Variants in MTR observed in about 807,000 individuals in gnomAD.
MTR encodes the protein methionine synthase.
A neutral mutation model predicts 154.8 loss-of-function variants in MTR; 84 were observed. The ratio of observed to expected loss-of-function variants is 0.54; its 90% CI spans 0.45 to 0.65. The LOEUF is 0.65. Among genes scored for constraint, MTR ranks in the 30% least tolerant of loss-of-function variants. MTR has a pLI of 0.00. For missense variants in MTR, 1,275 were observed against 1,570.2 expected, an observed-to-expected ratio of 0.81 and a Z score of 3.18; for synonymous variants, 554 against 553.9, an observed-to-expected ratio of 1.00 and a Z score of 0.00.
intron 15 of MTR, among the ~76,000 whole-genome samples, chr1:236,840,939 A>C (rs573804095): frequency 6.6e-6 from 1 of 152,164 alleles, no homozygotes; most frequent in Non-Finnish European, 1.5e-5. Context: ...CGTTGTTAAA[A>C]TTGTCCATCT....
At chr1:236,832,118 T>A in intron 13 of MTR, 40 bp downstream of exon 13, 2 of 1,476,264 alleles carry the variant, frequency 1.4e-6, no homozygotes, top group Non-Finnish European at 1.9e-6. Context: ...TCTGCCCATG[T>A]CTTTGGCTAG....
Position 236,871,331 on chromosome 1 carries a change from A to G in MTR, c.2406-2442A>G, listed in dbSNP as rs1184297244. Among the ~76,000 whole-genome samples, 7 of 42,772 alleles carry G rather than the reference A, an allele frequency of 1.6e-4. No homozygotes were observed. The Admixed American group carries it at 1.9e-3, about 11-fold the overall frequency. The allele number at this position is 42,772 out of a possible 152,430, so 28.1% of individuals were successfully genotyped here. Reference sequence around the variant, plus strand: ...TCCTCCTCTGAACTTATCACCCACAACTCTATCCTTCTCCGTTTCTGTTCC... The same window carrying G: ...TCCTCCTCTGAACTTATCACCCACAGCTCTATCCTTCTCCGTTTCTGTTCC... On this transcript the variant is annotated intron_variant, in intron 22 of 32. Coordinates refer to ENST00000366577, the MANE Select transcript of MTR (RefSeq NM_000254.3).
At chr1:236,804,274 T>C (rs1660851235) in intron 2 of MTR, among the ~76,000 whole-genome samples, 1 of 152,162 alleles carries the variant, frequency 6.6e-6, no homozygotes, top group Non-Finnish European at 1.5e-5. Context: ...AGTGTGATGG[T>C]ATTAGGAGGT....
chr1:236,852,626 C>T lies in MTR; in HGVS notation c.1801C>T (p.His601Tyr). Reference protein sequence around the residue: ...REAMHGVFLYHAIKSGMDMGI... With the variant: ...REAMHGVFLYYAIKSGMDMGI... ...AGCAATGCATGGGGTTTTCCTTTAC[C>T]ATGCAATCAAGGTATGGTAGAAGAA... The change falls in exon 17 of 33, where the codon CAT becomes TAT. Residue 601 changes from histidine (H) to tyrosine (Y), a missense_variant. Transcript: ENST00000366577. The T allele has an allele frequency of 6.2e-7, 1 of 1,613,392 alleles. No homozygotes were observed. Among genetic ancestry groups the T allele is most frequent in the Non-Finnish European group, 8.5e-7 (1 of 1,179,408 alleles).
Position 236,898,701 on chromosome 1 carries a change from C to G in MTR, c.*1057C>G, listed in dbSNP as rs1460122909. ...ATGCTGGGATTACAGGCGTGAGCCA[C>G]CGAGCCTGGCCGGTTAACATCTTTT... is the stretch of plus-strand genomic sequence containing the variant. On this transcript the variant is annotated 3_prime_UTR_variant, in exon 33 of 33. Transcript: ENST00000366577. 2 of 152,316 alleles carry G rather than the reference C, an allele frequency of 1.3e-5. No homozygotes were observed. The highest frequency in any genetic ancestry group is 2.9e-5 in the Non-Finnish European group (2 of 68,148). 9.4% of individuals were successfully genotyped at this position (152,316 alleles called of 1,614,324 possible).
At chr1:236,853,113 A>G (rs752764071) in intron 18 of MTR, 25 bp downstream of exon 18, 5 of 1,613,044 alleles carry the variant, frequency 3.1e-6, no homozygotes, top group African/African-American at 1.3e-5. Context: ...GTTCTAATAG[A>G]TGGATTTTTC....
At chr1:236,889,494 T>C (rs1180935351) in intron 28 of MTR, among the ~76,000 whole-genome samples, 158 bp downstream of exon 28, 2 of 152,260 alleles carry the variant, frequency 1.3e-5, no homozygotes, top group African/African-American at 4.8e-5. Flanking sequence ...GTTTTCAATC[T>C]GCTAGATTGG....
In MTR at chr1:236,800,499, T is replaced by A. The variant is rs550624495; in HGVS notation, c.35-2929T>A. On this transcript the variant is annotated intron_variant, in intron 1 of 32. Transcript: ENST00000366577. ...GTAGGTTAGAGTCTTTAGTTCTTAG[T>A]CTTCTCATTCCTCCTGTGAAATTAT... 4.1e-6 allele frequency: 4 copies of A among 981,362 alleles called. No individual in the cohort carries two copies. In the South Asian group the frequency reaches 1.4e-4, roughly 35 times the overall value. 60.8% of individuals were successfully genotyped at this position (981,362 alleles called of 1,614,324 possible).
chr1:236,896,962 A>C, intron 31 of MTR, 44 bp from the exon 32 acceptor site: 3 of 1,421,116 alleles, frequency 2.1e-6, no homozygotes, highest in Non-Finnish European at 3.0e-6. Flanking sequence ...GCCCTGTGCT[A>C]GACACTGAGT....
At chr1:236,830,535 T>C (rs1662551651) in intron 12 of MTR, among the ~76,000 whole-genome samples, 1 of 152,270 alleles carries the variant, frequency 6.6e-6, no homozygotes, top group African/African-American at 2.4e-5. Context: ...TGACATCAAA[T>C]GTGCTGTTTA....
rs753789860 is a variant in MTR, at chr1:236,897,554, G to A, written c.3712-4G>A. ...TTTAATAAAATGCTTCTCATCTTTT[G>A]CAGGTTGAGGATTATGCATTGAGGA... On this transcript the variant is annotated splice_region_variant and splice_polypyrimidine_tract_variant and intron_variant, in intron 32 of 32. Coordinates refer to ENST00000366577, the MANE Select transcript of MTR (RefSeq NM_000254.3). 1.8e-5 allele frequency: 29 copies of A among 1,612,948 alleles called. No homozygotes were observed. The Middle Eastern group carries it at 4.0e-3, about 220-fold the overall frequency.
At chr1:236,853,278 C>T (rs977632754) in intron 18 of MTR, among the ~76,000 whole-genome samples, 190 bp downstream of exon 18, 10 of 152,058 alleles carry the variant, frequency 6.6e-5, no homozygotes, top group African/African-American at 2.2e-4. Flanking sequence ...CAGACCATGC[C>T]TAGGGTGCTT....
intron 15 of MTR, 52 bp downstream of exon 15, chr1:236,838,651 G>A (rs771422178): frequency 3.1e-6 from 5 of 1,605,426 alleles, no homozygotes; most frequent in Non-Finnish European, 3.4e-6. Context: ...TTAGATAGTG[G>A]TGGGAGAAAA....
rs780685268 is a variant in MTR, at chr1:236,895,248, G to A, written c.3406-110G>A. On this transcript the variant is annotated intron_variant, in intron 30 of 32. Transcript: ENST00000366577. ...TCTTGTCAAATTTCCCCTGGCTGTG[G>A]TCCAGATGAGGGAGGGTGTCCTCAT... The A allele has an allele frequency of 7.4e-6, 9 of 1,209,568 alleles. 1 individual carries two copies. Among genetic ancestry groups the A allele is most frequent in the Non-Finnish European group, 1.1e-5 (9 of 836,982 alleles). The allele number at this position is 1,209,568 out of a possible 1,614,324, so 74.9% of individuals were successfully genotyped here.
intron 19 of MTR, 100 bp from the exon 20 acceptor site, chr1:236,861,025 A>T: frequency 9.8e-7 from 1 of 1,017,900 alleles, no homozygotes; most frequent in Non-Finnish European, 1.4e-6. Context: ...CTGTGCTGTT[A>T]GGCATTTTCA....
chr1:236,829,232 C>A lies in MTR; in HGVS notation c.1039C>A (p.Pro347Thr). 1 of 1,614,072 alleles carries A rather than the reference C, an allele frequency of 6.2e-7. No individual in the cohort carries two copies. The highest frequency in any genetic ancestry group is 8.5e-7 in the Non-Finnish European group (1 of 1,179,980). The change falls in exon 12 of 33, where the codon CCT becomes ACT. Residue 347 changes from proline (P) to threonine (T), a missense_variant. Pro to Thr is a conservative substitution (Grantham distance 38). Transcript: ENST00000366577. ...GAAAAATTGTAAGCCTAGAGTTCCA[C>A]CTGCCACTGCTTTTGAAGGACATAT... ...AVKNCKPRVP[P>T]ATAFEGHMLL... is the part of the protein sequence containing the mutation.
At chr1:236,841,404 A>G (rs184949391) in intron 15 of MTR, among the ~76,000 whole-genome samples, 177 of 152,212 alleles carry the variant, frequency 1.2e-3, no homozygotes, top group South Asian at 5.8e-3. Flanking sequence ...ATTGTTTTCT[A>G]TGTATTTCGC....
chr1:236,826,745 A>C, intron 10 of MTR, 84 bp from the exon 11 acceptor site: 1 of 1,056,276 alleles, frequency 9.5e-7, no homozygotes, highest in Non-Finnish European at 1.5e-6. Context: ...TTCAGGAAGT[A>C]TAGACGGCTT....
At chr1:236,812,208 G>T (rs1661346125) in intron 5 of MTR, among the ~76,000 whole-genome samples, 1 of 152,362 alleles carries the variant, frequency 6.6e-6, no homozygotes, top group Non-Finnish European at 1.5e-5. Context: ...TTTTACCTAG[G>T]AGTGATTGAA....
Sources: gnomAD v4.1 joint callset for allele counts (sites outside exome capture counted in the v4.1 genomes callset) on GRCh38, gnomAD v4.1.1 for gene constraint, MANE v1.5 for transcripts, NCBI Gene and HGNC (gene_info 2026-07-23, HGNC 2026-07-21) for gene names.